The following GALNT18 variants were observed in gnomAD, a reference collection of about 807,000 sequenced individuals.
GALNT18 encodes the protein GalNAc-transferase 18.
A neutral mutation model predicts 69.5 loss-of-function variants in GALNT18; 44 were observed. That is an observed-to-expected ratio of 0.63 (90% CI 0.50 to 0.81). GALNT18 has a LOEUF of 0.81. Ranked by LOEUF, GALNT18 falls within the 40% of genes least tolerant of loss-of-function variation. The probability of loss-of-function intolerance (pLI) is 0.00; values close to 1 mark genes in which losing one functional copy is unlikely to be tolerated. For missense variants in GALNT18, 715 were observed against 810.0 expected, an observed-to-expected ratio of 0.88 and a Z score of 1.42; for synonymous variants, 364 against 318.2, an observed-to-expected ratio of 1.14 and a Z score of -1.53.
intron 1 of GALNT18, among the ~76,000 whole-genome samples, chr11:11,559,412 C>A (rs1394875821): frequency 2.0e-5 from 3 of 152,210 alleles, no homozygotes; most frequent in Non-Finnish European, 4.4e-5. Context: ...AGACAGGGAG[C>A]TTTCTAATAG....
In GALNT18 at chr11:11,334,619, T is replaced by C. The variant is rs544457979; in HGVS notation, c.1279-1788A>G. ...TTTTTGCCCACAAGAGTTCAGGCAATATAAAAATTTGAACCTGCTACAGCC... is the reference window on the plus strand; with the variant it reads ...TTTTTGCCCACAAGAGTTCAGGCAACATAAAAATTTGAACCTGCTACAGCC... On this transcript the variant is annotated intron_variant, in intron 7 of 10. Coordinates refer to ENST00000227756, the MANE Select transcript of GALNT18 (RefSeq NM_198516.3). Among the ~76,000 whole-genome samples the C allele has an allele frequency of 2.6e-5, 4 of 151,868 alleles. No individual in the cohort carries two copies. The East Asian group carries it at 7.7e-4, about 29-fold the overall frequency.
At chr11:11,409,713 C>T (rs1589978189) in intron 3 of GALNT18, among the ~76,000 whole-genome samples, 1 of 150,652 alleles carries the variant, frequency 6.6e-6, no homozygotes, top group African/African-American at 2.4e-5. Context: ...TCAATGTTGT[C>T]CTTGGTTCTA....
At chr11:11,490,234 A>ACACACACACACACACACAC (rs1856738130) in intron 1 of GALNT18, among the ~76,000 whole-genome samples, 1 of 125,096 alleles carries the variant, frequency 8.0e-6, no homozygotes, top group African/African-American at 3.0e-5. Context: ...CTCTCTCTCT[A>ACACACACACACACACACAC]ACACACACAC....
chr11:11,387,481 G>T lies in GALNT18; in HGVS notation c.596-8217C>A, dbSNP rs1854084638. 6.6e-6 allele frequency among the ~76,000 whole-genome samples: 1 copy of T among 152,140 alleles called. No homozygotes were observed. Among genetic ancestry groups the T allele is most frequent in the Non-Finnish European group, 1.5e-5 (1 of 68,040 alleles). On this transcript the variant is annotated intron_variant, in intron 3 of 10. Coordinates refer to ENST00000227756, the MANE Select transcript of GALNT18 (RefSeq NM_198516.3). This position sits in a 1 kb window ranked among gnomAD's most constrained non-coding sequence, Gnocchi z 4.6. ...ACTAATCCACCTCCCACTGACAAGT[G>T]CAATTAATTGCTTGTCTCCAATGGT...
At chr11:11,369,637 A>G (rs981958171) in intron 6 of GALNT18, among the ~76,000 whole-genome samples, 1 of 152,032 alleles carries the variant, frequency 6.6e-6, no homozygotes, top group Non-Finnish European at 1.5e-5. Flanking sequence ...AACAATTTCA[A>G]TCCCTTGCCA....
At chr11:11,397,528 A>G (rs1854362206) in intron 3 of GALNT18, among the ~76,000 whole-genome samples, 1 of 152,210 alleles carries the variant, frequency 6.6e-6, no homozygotes, top group Non-Finnish European at 1.5e-5. Flanking sequence ...CAATGGCACC[A>G]TCTCGGCTCA....
chr11:11,302,508 T>C (rs7942240), intron 9 of GALNT18, among the ~76,000 whole-genome samples: 95,133 of 151,956 alleles, frequency 0.63, 30,390 homozygotes, highest in Admixed American at 0.76. Context: ...GGGACAGGCT[T>C]CTGCATCAGT....
chr11:11,292,285 T>G (rs923053713), intron 10 of GALNT18, among the ~76,000 whole-genome samples: 3 of 152,132 alleles, frequency 2.0e-5, no homozygotes, highest in African/African-American at 7.2e-5. Flanking sequence ...GCAGATTCCC[T>G]GGTGACTAGG....
rs1297426321 is a variant in GALNT18 at position 11,614,349 on chromosome 11, G to GAGA, written c.235+7007_235+7009dup. On this transcript the variant is annotated intron_variant, in intron 1 of 10. Transcript: ENST00000227756. This position sits in a 1 kb window ranked among gnomAD's most constrained non-coding sequence, Gnocchi z 5.6. Reference sequence around the variant, plus strand: ...TGAGAGAGAGAGGCAAGAGAGTGAGGAGAAGAAGAAGAAGAGGAGGAGGAG... The same window carrying GAGA: ...TGAGAGAGAGAGGCAAGAGAGTGAGGAGAAGAAGAAGAAGAAGAGGAGGAGGAG... 8.0e-6 allele frequency among the ~76,000 whole-genome samples: 1 copy of GAGA among 125,660 alleles called. No homozygotes were observed. Among genetic ancestry groups the GAGA allele is most frequent in the Non-Finnish European group, 1.6e-5 (1 of 62,236 alleles). The allele number at this position is 125,660 out of a possible 152,430, so 82.4% of individuals were successfully genotyped here. A position where few individuals can be genotyped will look rare whatever the true frequency, so the allele number is the denominator to read the frequency against.
At chr11:11,393,176 G>A (rs959587786) in intron 3 of GALNT18, among the ~76,000 whole-genome samples, 2 of 152,198 alleles carry the variant, frequency 1.3e-5, no homozygotes, top group African/African-American at 4.8e-5. Context: ...GGTGTGGGGT[G>A]GGCCAGCACT....
At chr11:11,380,924 C>T (rs1253911777) in intron 3 of GALNT18, among the ~76,000 whole-genome samples, 1 of 152,220 alleles carries the variant, frequency 6.6e-6, no homozygotes, top group Admixed American at 6.5e-5. Context: ...TCCTTTTAAA[C>T]AGTGTGACCC....
chr11:11,521,391 C>T (rs1436664576), intron 1 of GALNT18, among the ~76,000 whole-genome samples: 1 of 152,136 alleles, frequency 6.6e-6, no homozygotes, highest in African/African-American at 2.4e-5. Flanking sequence ...CACTCTCTGG[C>T]CACCAGCTAG....
chr11:11,436,581 T>G lies in GALNT18; in HGVS notation c.429-3794A>C, dbSNP rs1324431069. ...AAGCAGCAGGTCTTCCATTGGTGTT[T>G]GTTGAATAAATTCCCTTTCAGTTTC... On this transcript the variant is annotated intron_variant, in intron 2 of 10. Coordinates refer to ENST00000227756, the MANE Select transcript of GALNT18 (RefSeq NM_198516.3). This position sits in a 1 kb window ranked among gnomAD's most constrained non-coding sequence, Gnocchi z 4.5. Among the ~76,000 whole-genome samples the G allele has an allele frequency of 2.0e-5, 3 of 152,214 alleles. No homozygotes were observed. The highest frequency in any genetic ancestry group is 7.2e-5 in the African/African-American group (3 of 41,444).
rs980820389 is a variant in GALNT18, at chr11:11,339,252, A to T, written c.1278+1567T>A. Among the ~76,000 whole-genome samples, 2 of 152,124 alleles carry T rather than the reference A, an allele frequency of 1.3e-5. No individual in the cohort carries two copies. Among genetic ancestry groups the T allele is most frequent in the Admixed American group, 1.3e-4 (2 of 15,282 alleles). On this transcript the variant is annotated intron_variant, in intron 7 of 10. Coordinates refer to ENST00000227756, the MANE Select transcript of GALNT18 (RefSeq NM_198516.3). The surrounding 1 kb of genome is among the most constrained non-coding windows in gnomAD (Gnocchi z 5.2). Reference sequence around the variant, plus strand: ...GTGTTCACTTCCCCCTACCCATTTGATTTGAACTACCACCTTGAGGAGTCG... The same window carrying T: ...GTGTTCACTTCCCCCTACCCATTTGTTTTGAACTACCACCTTGAGGAGTCG...
At chr11:11,357,803 C>T (rs947224962) in intron 6 of GALNT18, among the ~76,000 whole-genome samples, 3 of 152,146 alleles carry the variant, frequency 2.0e-5, no homozygotes, top group Non-Finnish European at 2.9e-5. Flanking sequence ...TCTATGAGGG[C>T]AAACCTAAGT....
chr11:11,292,211 G>A (rs1038178947), intron 10 of GALNT18, among the ~76,000 whole-genome samples: 5 of 152,084 alleles, frequency 3.3e-5, no homozygotes, highest in Admixed American at 6.5e-5. Context: ...TGTTATTAAC[G>A]CTTTACCTGC....
chr11:11,594,816 CATATATATATAT>C lies in GALNT18; in HGVS notation c.235+26531_235+26542del, dbSNP rs1206038267. On this transcript the variant is annotated intron_variant, in intron 1 of 10. Transcript: ENST00000227756. ...GATATGTGTTTTCAATTATCTTGGG[CATATATATATAT>C]ATATATATATATACACATATACATA... Among the ~76,000 whole-genome samples, 8 of 121,520 alleles carry C rather than the reference CATATATATATAT, an allele frequency of 6.6e-5. No individual in the cohort carries two copies. The South Asian group carries it at 9.2e-4, about 14-fold the overall frequency. 79.7% of individuals were successfully genotyped at this position (121,520 alleles called of 152,430 possible).
At chr11:11,375,471 A>G (rs1853724756) in intron 5 of GALNT18, among the ~76,000 whole-genome samples, 2 of 152,206 alleles carry the variant, frequency 1.3e-5, no homozygotes, top group African/African-American at 4.8e-5. Flanking sequence ...TGCTCATTGC[A>G]TGGGGGCATA....
intron 1 of GALNT18, among the ~76,000 whole-genome samples, chr11:11,457,751 T>A (rs118112423): frequency 7.9e-4 from 121 of 152,322 alleles, no homozygotes; most frequent in Admixed American, 1.6e-3. Context: ...TTCTTGTTTC[T>A]TGTGGTTTAC....
Sources: gnomAD v4.1 joint callset for allele counts (sites outside exome capture counted in the v4.1 genomes callset) on GRCh38, gnomAD v4.1.1 for gene constraint, Gnocchi (gnomAD v3.1) non-coding constraint, MANE v1.5 for transcripts, NCBI Gene and HGNC (gene_info 2026-07-23, HGNC 2026-07-21) for gene names.